Variants in TAF1A observed in about 807,000 individuals in gnomAD.
TAF1A encodes the protein TATA box-binding protein-associated factor RNA polymerase I subunit A.
Under a neutral mutation model 61.6 loss-of-function variants are expected in TAF1A, and 42 were observed. That is an observed-to-expected ratio of 0.68 (90% CI 0.53 to 0.88). The LOEUF (loss-of-function observed/expected upper bound fraction) is 0.88, where lower values mean the gene tolerates loss of function less well. TAF1A is among the 40% of genes least tolerant of loss of function. The probability of loss-of-function intolerance (pLI) is 0.00; values close to 1 mark genes in which losing one functional copy is unlikely to be tolerated. For missense variants in TAF1A, 424 were observed against 518.7 expected, an observed-to-expected ratio of 0.82 and a Z score of 1.77; for synonymous variants, 179 against 177.7, an observed-to-expected ratio of 1.01 and a Z score of -0.06.
At chr1:222,575,721 T>C (rs1660544662) in intron 5 of TAF1A, among the ~76,000 whole-genome samples, 1 of 152,210 alleles carries the variant, frequency 6.6e-6, no homozygotes, top group South Asian at 2.1e-4. Flanking sequence ...CTAACTTTTT[T>C]TCTCGTTAAA....
At chr1:222,554,938 A>T (rs902806256), downstream of TAF1A, among the ~76,000 whole-genome samples, 1 of 152,192 alleles carries the variant, frequency 6.6e-6, no homozygotes, top group African/African-American at 2.4e-5. Flanking sequence ...TATAGAAAGA[A>T]CTCATACAAC....
chr1:222,566,932 CA>C (rs1238672476), intron 7 of TAF1A, among the ~76,000 whole-genome samples: 3 of 152,176 alleles, frequency 2.0e-5, no homozygotes, highest in African/African-American at 7.2e-5. Flanking sequence ...TATAATCCAG[CA>C]ATTTCACTCC....
intron 7 of TAF1A, 41 bp downstream of exon 7, chr1:222,569,469 A>G (rs1217979817): frequency 6.2e-7 from 1 of 1,613,516 alleles, no homozygotes; most frequent in Non-Finnish European, 8.5e-7. Flanking sequence ...TTTAATGTAG[A>G]TTCCCAACCC....
intron 2 of TAF1A, among the ~76,000 whole-genome samples, chr1:222,585,074 C>A (rs1447203487): frequency 6.6e-6 from 1 of 152,214 alleles, no homozygotes; most frequent in Non-Finnish European, 1.5e-5. Flanking sequence ...ATAGTCAAAG[C>A]TTCACAATCA....
At chr1:222,558,229 A>G (rs1659778832), downstream of TAF1A, 1 of 152,124 alleles carries the variant, frequency 6.6e-6, no homozygotes, top group African/African-American at 2.4e-5. Flanking sequence ...AAATTCCTCA[A>G]TAGAACTCAT....
chr1:222,584,068 C>T, intron 3 of TAF1A, 60 bp downstream of exon 3: 1 of 1,558,666 alleles, frequency 6.4e-7, no homozygotes, highest in Non-Finnish European at 8.7e-7. Flanking sequence ...GTAGGTGAAG[C>T]TGTAGGCATA....
chr1:222,554,109 T>C (rs796478939), downstream of TAF1A, among the ~76,000 whole-genome samples: 1 of 152,226 alleles, frequency 6.6e-6, no homozygotes, highest in Non-Finnish European at 1.5e-5. Context: ...ACGAAAGTAG[T>C]TATCACTTTT....
chr1:222,575,552 T>C (rs1660536061), intron 5 of TAF1A, among the ~76,000 whole-genome samples: 2 of 152,100 alleles, frequency 1.3e-5, no homozygotes, highest in African/African-American at 4.8e-5. Flanking sequence ...TCCCTGAGTA[T>C]AAATTGGGTT....
chr1:222,589,853 T>C lies in TAF1A; in HGVS notation c.-129A>G, dbSNP rs745727862. The C allele has an allele frequency of 3.6e-5, 14 of 391,868 alleles. No individual in the cohort carries two copies. The highest frequency in any genetic ancestry group is 5.8e-5 in the Non-Finnish European group (13 of 222,392). The allele number at this position is 391,868 out of a possible 1,614,324, so 24.3% of individuals were successfully genotyped here. A position where few individuals can be genotyped will look rare whatever the true frequency, so the allele number is the denominator to read the frequency against. ...GAGCAGGCGCTAAACCTGGTTTAGG[T>C]ATTTAGGCAGCGCGCGGCCCGGCTC... On this transcript the variant is annotated 5_prime_UTR_variant, in exon 1 of 11. In the 5' UTR this introduces an upstream ATG that the reference lacks. Coordinates refer to ENST00000352967, the MANE Select transcript of TAF1A (RefSeq NM_005681.4).
At chr1:222,569,056 C>A in intron 7 of TAF1A, 1 of 193,828 alleles carries the variant, frequency 5.2e-6, no homozygotes, top group Non-Finnish European at 1.1e-5. Flanking sequence ...ATAAGCAGAT[C>A]AGTGATTGTC....
At chr1:222,577,707 A>C in intron 4 of TAF1A, 64 bp from the exon 5 acceptor site, 11 of 1,421,440 alleles carry the variant, frequency 7.7e-6, no homozygotes, top group South Asian at 1.2e-5. Context: ...CAAAAAGCTC[A>C]GTAAATATAT....
chr1:222,575,929 T>C (rs2102662701), intron 5 of TAF1A, among the ~76,000 whole-genome samples: 1 of 152,324 alleles, frequency 6.6e-6, no homozygotes, highest in South Asian at 2.1e-4. Flanking sequence ...AGAAGAAAAG[T>C]AAATACTGAC....
chr1:222,567,629 G>A (rs2102646570), intron 7 of TAF1A, among the ~76,000 whole-genome samples: 1 of 152,192 alleles, frequency 6.6e-6, no homozygotes, highest in South Asian at 2.1e-4. Flanking sequence ...TTACACTTTG[G>A]AAACCTCAAT....
rs750939501 is a variant in TAF1A at position 222,577,539 on chromosome 1, A to G, written c.510T>C (p.Ser170=). Residue 170 remains serine, a synonymous_variant, in exon 5 of 11, where the codon TCT becomes TCC. Coordinates refer to ENST00000352967, the MANE Select transcript of TAF1A (RefSeq NM_005681.4). ...AETWRHGENT[S]SREILINLIQ... ...TAAGGTTGATTAATATTTCCCGGGA[A>G]GACGTATTTTCACCATGTCTCCATG... 6.2e-7 allele frequency: 1 copy of G among 1,613,978 alleles called. No individual in the cohort carries two copies. The highest frequency in any genetic ancestry group is 1.7e-5 in the Admixed American group (1 of 60,016).
rs1348399721 is a variant in TAF1A at position 222,589,763 on chromosome 1, C to CA, written c.-40dup. On this transcript the variant is annotated 5_prime_UTR_variant, in exon 1 of 11. Coordinates refer to ENST00000352967, the MANE Select transcript of TAF1A (RefSeq NM_005681.4). ...TAGAGCTCCTCAGTAAAGCTAAACT[C>CA]AGTCTCCGACTCCGGCCCACGTGAA... 1 of 305,046 alleles carries CA rather than the reference C, an allele frequency of 3.3e-6. No homozygotes were observed. Among genetic ancestry groups the CA allele is most frequent in the Non-Finnish European group, 6.0e-6 (1 of 167,220 alleles). The allele number at this position is 305,046 out of a possible 1,614,324, so 18.9% of individuals were successfully genotyped here. A position where few individuals can be genotyped will look rare whatever the true frequency, so the allele number is the denominator to read the frequency against.
intron 4 of TAF1A, 107 bp from the exon 5 acceptor site, chr1:222,577,750 C>T: frequency 2.0e-6 from 2 of 998,788 alleles, no homozygotes; most frequent in South Asian, 1.5e-5. Flanking sequence ...TGGTAGGATA[C>T]AAATAACTTG....
In TAF1A at chr1:222,589,718, G is replaced by T; in HGVS notation, c.-3+9C>A. 9.0e-6 allele frequency: 2 copies of T among 223,058 alleles called. No individual in the cohort carries two copies. The highest frequency in any genetic ancestry group is 1.7e-5 in the Non-Finnish European group (2 of 115,116). The allele number at this position is 223,058 out of a possible 1,614,324, so 13.8% of individuals were successfully genotyped here. On this transcript the variant is annotated intron_variant, in intron 1 of 10. Transcript: ENST00000352967. ...CGCAGGAACCACGGGCGATATCTGC[G>T]GCACTTACCCGCCTAAATTTAGAGC...
chr1:222,557,152 GCC>G (rs1659739221), downstream of TAF1A, among the ~76,000 whole-genome samples: 2 of 151,986 alleles, frequency 1.3e-5, no homozygotes, highest in Admixed American at 1.3e-4. Context: ...TGTGTGTCTC[GCC>G]ATCTAAATAT....
rs775190536 is a variant in TAF1A, at chr1:222,563,292, T to C, written c.966A>G (p.Lys322=). 3.1e-6 allele frequency: 5 copies of C among 1,612,006 alleles called. No homozygotes were observed. Among genetic ancestry groups the C allele is most frequent in the Non-Finnish European group, 4.2e-6 (5 of 1,179,290 alleles). Residue 322 remains lysine (K), a synonymous_variant, in exon 9 of 11, where the codon AAA becomes AAG. Transcript: ENST00000352967. The part of the protein sequence containing the change: ...EFHTLLRKSE[K]EEHRKLGLEV... The stretch of plus-strand genomic sequence containing the variant: ...CCAACCCCAGTTTACGGTGTTCTTC[T>C]TTTTCTGCAATGGTTTTAACAGTTC...
Sources: gnomAD v4.1 joint callset for allele counts (sites outside exome capture counted in the v4.1 genomes callset) on GRCh38, gnomAD v4.1.1 for gene constraint, MANE v1.5 for transcripts, NCBI Gene and HGNC (gene_info 2026-07-23, HGNC 2026-07-21) for gene names.